The following CNRIP1 variants were observed in gnomAD, a reference collection of about 807,000 sequenced individuals.
CNRIP1 encodes cannabinoid receptor interacting protein 1.
CNRIP1 carries 10 observed loss-of-function variants against 15.2 expected under a neutral mutation model. That is an observed-to-expected ratio of 0.66 (90% confidence interval 0.41 to 1.12). The LOEUF (loss-of-function observed/expected upper bound fraction) is 1.12. Ranked by LOEUF, CNRIP1 falls within the 50% of genes most tolerant of loss-of-function variation. The probability of loss-of-function intolerance (pLI) is 0.00; values close to 1 mark genes in which losing one functional copy is unlikely to be tolerated. For synonymous variants in CNRIP1, 91 were observed against 83.2 expected (o/e 1.09, Z -0.51); for missense variants, 211 against 214.7 (o/e 0.98, Z 0.11).
chr2:68,319,461 G>T lies in CNRIP1; in HGVS notation c.-61C>A. 2 of 1,425,728 alleles carry T rather than the reference G, an allele frequency of 1.4e-6. No homozygotes were observed. The highest frequency in any genetic ancestry group is 1.8e-6 in the Non-Finnish European group (2 of 1,087,030). 88.3% of individuals were successfully genotyped at this position (1,425,728 alleles called of 1,614,324 possible). Reference sequence around the variant, plus strand: ...GCGGAGGACAGCGCCGGCTGCGGCCGAGTGGCTGGAGCGCGAGGGGCGGAG... The same window carrying T: ...GCGGAGGACAGCGCCGGCTGCGGCCTAGTGGCTGGAGCGCGAGGGGCGGAG... On this transcript the variant is annotated 5_prime_UTR_variant, in exon 1 of 3. Transcript: ENST00000263655.
intron 1 of CNRIP1, 71 bp downstream of exon 1, chr2:68,319,151 G>A: frequency 7.0e-7 from 1 of 1,433,686 alleles, no homozygotes; most frequent in South Asian, 1.4e-5. Flanking sequence ...GGCTCGGGCT[G>A]TCCTGGGGGC....
rs181137072 is a variant in CNRIP1 at position 68,319,231 on chromosome 2, A to G, written c.170T>C (p.Leu57Pro). The G allele has an allele frequency of 2.1e-5, 33 of 1,546,540 alleles. No homozygotes were observed. Among genetic ancestry groups the G allele is most frequent in the South Asian group, 4.8e-5 (4 of 83,816 alleles). ...KVEVKIKPSTLQVENISIGGV... is the reference protein window; with the variant it reads ...KVEVKIKPSTPQVENISIGGV... Reference sequence around the variant, plus strand: ...GGCGCCCCGCACTCACTCGACCTGCAGCGTGCTGGGTTTAATCTTCACCTC... The same window carrying G: ...GGCGCCCCGCACTCACTCGACCTGCGGCGTGCTGGGTTTAATCTTCACCTC... The change falls in exon 1 of 3, where the codon CTG becomes CCG. Residue 57 changes from leucine to proline, a missense_variant. Physicochemically the swap from Leu to Pro is moderately conservative, Grantham distance 98 (BLOSUM62 -3). Coordinates refer to ENST00000263655, the MANE Select transcript of CNRIP1 (RefSeq NM_015463.3).
intron 2 of CNRIP1, among the ~76,000 whole-genome samples, chr2:68,314,593 T>C (rs1672204793): frequency 6.6e-6 from 1 of 152,032 alleles, no homozygotes; most frequent in Non-Finnish European, 1.5e-5. Flanking sequence ...AAACCCAAGA[T>C]GATTTGCTGA....
At chr2:68,294,840 G>A (rs777943399) in intron 2 of CNRIP1, among the ~76,000 whole-genome samples, 11 of 152,140 alleles carry the variant, frequency 7.2e-5, no homozygotes, top group Non-Finnish European at 1.3e-4. Context: ...ATAAAAATTC[G>A]TATAAGGCAG....
chr2:68,314,291 C>A (rs772201241), intron 2 of CNRIP1, among the ~76,000 whole-genome samples: 2 of 151,864 alleles, frequency 1.3e-5, no homozygotes, highest in African/African-American at 4.8e-5. Context: ...ATAAAGCAAG[C>A]AAATTTTAAA....
At chr2:68,316,943 T>A (rs1672292907) in intron 2 of CNRIP1, 1 of 647,712 alleles carries the variant, frequency 1.5e-6, no homozygotes, top group Non-Finnish European at 2.8e-6. Context: ...GCTTATGGTG[T>A]CTTTTCAGCA....
chr2:68,305,274 ATGTGTGTGTGTGTGTGTG>A lies in CNRIP1; in HGVS notation c.331-11266_331-11249del, dbSNP rs10601379. Among the ~76,000 whole-genome samples, 368 of 120,644 alleles carry A rather than the reference ATGTGTGTGTGTGTGTGTG, an allele frequency of 3.1e-3. 3 individuals carry two copies. The highest frequency in any genetic ancestry group is 0.024 in the South Asian group (92 of 3,814). The allele number at this position is 120,644 out of a possible 152,430, so 79.1% of individuals were successfully genotyped here. On this transcript the variant is annotated intron_variant, in intron 2 of 2. Transcript: ENST00000263655. ...AAAAAAAAAAAATATATATATATATATGTGTGTGTGTGTGTGTGTGTGTGTGTGTGTGTGTGTGTACAT... is the reference window on the plus strand; with the variant it reads ...AAAAAAAAAAAATATATATATATATATGTGTGTGTGTGTGTGTGTGTACAT...
chr2:68,295,123 G>T (rs1216075968), intron 2 of CNRIP1, among the ~76,000 whole-genome samples: 1 of 152,178 alleles, frequency 6.6e-6, no homozygotes, highest in African/African-American at 2.4e-5. Context: ...CATGGGAGGG[G>T]ACAGGGACTG....
At chr2:68,306,321 CAAAA>C (rs35066190) in intron 2 of CNRIP1, among the ~76,000 whole-genome samples, 6 of 85,734 alleles carry the variant, frequency 7.0e-5, no homozygotes, top group Admixed American at 1.3e-4. Context: ...GATCCTATCT[CAAAA>C]AAAAAAAAAA....
intron 2 of CNRIP1, among the ~76,000 whole-genome samples, chr2:68,313,618 A>G (rs1672171268): frequency 6.6e-6 from 1 of 152,180 alleles, no homozygotes; most frequent in African/African-American, 2.4e-5. Flanking sequence ...TAACATATTG[A>G]GATGGCAAGC....
intron 1 of CNRIP1, among the ~76,000 whole-genome samples, chr2:68,318,108 C>T (rs1217413130): frequency 6.6e-6 from 1 of 151,406 alleles, no homozygotes; most frequent in Non-Finnish European, 1.5e-5. Flanking sequence ...TCCAGGTGCA[C>T]AGAACACTGG....
intron 1 of CNRIP1, among the ~76,000 whole-genome samples, chr2:68,318,222 T>C (rs1199569899): frequency 6.6e-6 from 1 of 152,098 alleles, no homozygotes; most frequent in African/African-American, 2.4e-5. Context: ...TCCTTGCACC[T>C]TGGAAGGCTA....
rs192406773 is a variant in CNRIP1 at position 68,313,924 on chromosome 2, A to G, written c.330+3233T>C. On this transcript the variant is annotated intron_variant, in intron 2 of 2. Transcript: ENST00000263655. ...GTCTTTGCCTCACTCTATGCCCACCATGTTGGGCTTCTCATCCATTAGAAT... is the reference window on the plus strand; with the variant it reads ...GTCTTTGCCTCACTCTATGCCCACCGTGTTGGGCTTCTCATCCATTAGAAT... Among the ~76,000 whole-genome samples, 10 of 152,196 alleles carry G rather than the reference A, an allele frequency of 6.6e-5. No homozygotes were observed. In the East Asian group the frequency reaches 1.5e-3, roughly 23 times the overall value.
At chr2:68,306,613 T>G (rs1487810315) in intron 2 of CNRIP1, among the ~76,000 whole-genome samples, 1 of 151,978 alleles carries the variant, frequency 6.6e-6, no homozygotes, top group Non-Finnish European at 1.5e-5. Context: ...AAACCCTGTC[T>G]CTACTGAAAA....
At chr2:68,296,748 C>T (rs2103623564) in intron 2 of CNRIP1, among the ~76,000 whole-genome samples, 1 of 152,310 alleles carries the variant, frequency 6.6e-6, no homozygotes, top group Middle Eastern at 3.4e-3. Context: ...AGCAATTCTC[C>T]TGCCTCAGCC....
At chr2:68,305,312 G>GTGTGTGTGTGTGTGTGTGTA (rs1285507186) in intron 2 of CNRIP1, among the ~76,000 whole-genome samples, 1 of 129,066 alleles carries the variant, frequency 7.7e-6, no homozygotes. Flanking sequence ...GTGTGTGTGT[G>GTGTGTGTGTGTGTGTGTGTA]TACATATAAA....
chr2:68,302,709 C>T (rs529149422), intron 2 of CNRIP1, among the ~76,000 whole-genome samples: 2 of 152,132 alleles, frequency 1.3e-5, no homozygotes, highest in East Asian at 3.8e-4. Flanking sequence ...ATCAAGGCAA[C>T]ACAGCTTAGG....
downstream of CNRIP1, among the ~76,000 whole-genome samples, chr2:68,290,175 T>C (rs1431817026): frequency 6.6e-6 from 1 of 151,968 alleles, no homozygotes; most frequent in East Asian, 1.9e-4. Context: ...ATTACAGGCG[T>C]GCACCACCAT....
chr2:68,297,359 A>G (rs6546370), intron 2 of CNRIP1, among the ~76,000 whole-genome samples: 117,010 of 151,964 alleles, frequency 0.77, 45,966 homozygotes, highest in African/African-American at 0.94. Context: ...TTGAACCCAG[A>G]AGTTTAAGAC....
Sources: gnomAD v4.1 joint callset for allele counts (sites outside exome capture counted in the v4.1 genomes callset) on GRCh38, gnomAD v4.1.1 for gene constraint, MANE v1.5 for transcripts, NCBI Gene and HGNC (gene_info 2026-07-23, HGNC 2026-07-21) for gene names.